Variants in NRXN3 observed in about 807,000 individuals in gnomAD.
NRXN3 encodes neurexin 3, also known as neurexin III.
NRXN3 carries 32 observed loss-of-function variants against 137.6 expected under a neutral mutation model. The observed-to-expected ratio is 0.23, with a 90% confidence interval of 0.18 to 0.31. The LOEUF is 0.31. NRXN3 is among the 10% of genes least tolerant of loss of function. The pLI, the probability that NRXN3 is intolerant of heterozygous loss-of-function variation, is 1.00. For synonymous variants in NRXN3, 798 were observed against 784.5 expected, an observed-to-expected ratio of 1.02 and a Z score of -0.29; for missense variants, 1,574 against 2,062.5, an observed-to-expected ratio of 0.76 and a Z score of 4.59.
At chr14:78,632,553 G>A (rs1176576346) in intron 4 of NRXN3, among the ~76,000 whole-genome samples, 2 of 152,112 alleles carry the variant, frequency 1.3e-5, no homozygotes, top group African/African-American at 2.4e-5. Flanking sequence ...ACATTGGCTT[G>A]TATTTTGGAT....
At chr14:79,763,259 C>T (rs746720498) in intron 19 of NRXN3, among the ~76,000 whole-genome samples, 3 of 151,622 alleles carry the variant, frequency 2.0e-5, no homozygotes, top group Non-Finnish European at 4.4e-5. Context: ...TTTTCTTTAT[C>T]CAGTCTATCA....
chr14:79,290,958 A>G (rs1005981443), intron 15 of NRXN3, among the ~76,000 whole-genome samples: 2 of 152,206 alleles, frequency 1.3e-5, no homozygotes, highest in African/African-American at 2.4e-5. Context: ...GATACATTTA[A>G]AAGTTTGAAA....
chr14:78,183,615 G>A (rs1161510424), intron 1 of NRXN3, among the ~76,000 whole-genome samples: 1 of 152,238 alleles, frequency 6.6e-6, no homozygotes, highest in Non-Finnish European at 1.5e-5. Flanking sequence ...TCCTGCAGGT[G>A]AGTGAGTCTG....
At chr14:79,741,409 A>G (rs1335100804) in intron 19 of NRXN3, among the ~76,000 whole-genome samples, 2 of 152,112 alleles carry the variant, frequency 1.3e-5, no homozygotes, top group African/African-American at 4.8e-5. Context: ...TAAAATTTCA[A>G]GAAATATATC....
At chr14:79,852,783 A>G (rs1164805087) in intron 20 of NRXN3, among the ~76,000 whole-genome samples, 11 of 151,948 alleles carry the variant, frequency 7.2e-5, no homozygotes, top group Admixed American at 7.2e-4. Flanking sequence ...TCATCTCTGA[A>G]AGTGTGTGAA....
chr14:79,527,820 G>A (rs1340107594), intron 16 of NRXN3, among the ~76,000 whole-genome samples: 5 of 148,370 alleles, frequency 3.4e-5, no homozygotes, highest in Admixed American at 2.0e-4. Context: ...GCAGTGAGCC[G>A]AGTTTGTGCC....
chr14:78,268,947 A>G (rs1212960168), intron 2 of NRXN3, among the ~76,000 whole-genome samples: 1 of 152,018 alleles, frequency 6.6e-6, no homozygotes, highest in Non-Finnish European at 1.5e-5. Context: ...CCTTTTTTTG[A>G]CACTAAGATC....
chr14:79,819,835 A>G (rs11848460), intron 20 of NRXN3, among the ~76,000 whole-genome samples: 6,807 of 152,010 alleles, frequency 0.045, 505 homozygotes, highest in African/African-American at 0.15. Context: ...ATATGCCACT[A>G]TCTCAGACAT....
intron 15 of NRXN3, among the ~76,000 whole-genome samples, chr14:79,020,084 G>A (rs2099586092): frequency 6.6e-6 from 1 of 150,998 alleles, no homozygotes; most frequent in Non-Finnish European, 1.5e-5. Context: ...TACTGGATAT[G>A]GATAAGGCTA....
At chr14:78,744,091 A>G (rs1595432243) in intron 8 of NRXN3, among the ~76,000 whole-genome samples, 1 of 152,162 alleles carries the variant, frequency 6.6e-6, no homozygotes, top group African/African-American at 2.4e-5. Context: ...AGCTTGCCCA[A>G]AGTGACTCAG....
At chr14:78,826,888 A>T (rs1208333660) in intron 10 of NRXN3, among the ~76,000 whole-genome samples, 1 of 152,196 alleles carries the variant, frequency 6.6e-6, no homozygotes, top group African/African-American at 2.4e-5. Context: ...ACAATCCATC[A>T]CATTTTTCTG....
At chr14:78,756,282 G>A (rs1362277258) in intron 8 of NRXN3, among the ~76,000 whole-genome samples, 3 of 152,128 alleles carry the variant, frequency 2.0e-5, no homozygotes, top group Non-Finnish European at 2.9e-5. Flanking sequence ...GAGGTCAAGA[G>A]TTTGAGACTA....
chr14:78,316,186 G>T (rs1278165065), intron 4 of NRXN3, among the ~76,000 whole-genome samples: 6 of 152,070 alleles, frequency 3.9e-5, no homozygotes, highest in Middle Eastern at 3.2e-3. Context: ...CTCACAGGTG[G>T]AGGGATTAGG....
rs1457287532 is a variant in NRXN3, at chr14:79,260,140, A to G, written c.3263-207081A>G. Among the ~76,000 whole-genome samples the G allele has an allele frequency of 5.9e-5, 9 of 152,306 alleles. 1 individual carries two copies. The East Asian group carries it at 1.7e-3, about 29-fold the overall frequency. On this transcript the variant is annotated intron_variant, in intron 15 of 20. Transcript: ENST00000335750. Reference sequence around the variant, plus strand: ...ATATTTTTGATATGTACAAATATGTATCTACCTTATTACTTTAGTGAGATG... The same window carrying G: ...ATATTTTTGATATGTACAAATATGTGTCTACCTTATTACTTTAGTGAGATG...
At chr14:79,722,483 TTTC>T (rs1603449964) in intron 19 of NRXN3, among the ~76,000 whole-genome samples, 2 of 152,186 alleles carry the variant, frequency 1.3e-5, no homozygotes, top group African/African-American at 4.8e-5. Flanking sequence ...TGCTTGAGTT[TTTC>T]TTTTGTACCT....
intron 4 of NRXN3, among the ~76,000 whole-genome samples, chr14:78,567,027 G>T (rs567684592): frequency 4.6e-5 from 7 of 152,212 alleles, no homozygotes; most frequent in East Asian, 3.9e-4. Context: ...TCTTTACCTG[G>T]GTCAGACATG....
intron 16 of NRXN3, chr14:79,572,848 G>A (rs552076010): frequency 8.5e-5 from 13 of 152,264 alleles, no homozygotes; most frequent in Non-Finnish European, 1.5e-4. Context: ...GTTAAGGGAT[G>A]ACATTAATGA....
chr14:79,790,878 C>T (rs911446997), intron 19 of NRXN3, among the ~76,000 whole-genome samples: 3 of 151,886 alleles, frequency 2.0e-5, no homozygotes, highest in Non-Finnish European at 4.4e-5. Context: ...CTTGGCCTCC[C>T]GATCTTGTGA....
chr14:79,636,780 G>T (rs1040084086), intron 16 of NRXN3, among the ~76,000 whole-genome samples: 3 of 152,148 alleles, frequency 2.0e-5, no homozygotes, highest in Admixed American at 1.3e-4. Context: ...AGAAGGCCAT[G>T]GGGGGATGCA....
Sources: gnomAD v4.1 joint callset for allele counts (sites outside exome capture counted in the v4.1 genomes callset) on GRCh38, gnomAD v4.1.1 for gene constraint, MANE v1.5 for transcripts, NCBI Gene and HGNC (gene_info 2026-07-23, HGNC 2026-07-21) for gene names.